NRG4: variants seen among roughly 807,000 people sequenced by gnomAD.
NRG4 encodes the protein neuregulin 4, also known as pro-neuregulin-4, membrane-bound isoform.
A neutral mutation model predicts 15.0 loss-of-function variants in NRG4; 10 were observed. The ratio of observed to expected loss-of-function variants is 0.67; its 90% confidence interval spans 0.41 to 1.13. NRG4 has a LOEUF of 1.13. Among genes scored for constraint, NRG4 ranks in the 50% most tolerant of loss-of-function variants. NRG4 has a pLI of 0.00. For synonymous variants in NRG4, 41 were observed against 50.1 expected (o/e 0.82, Z 0.77); for missense variants, 139 against 140.2 (o/e 0.99, Z 0.04).
intron 3 of NRG4, among the ~76,000 whole-genome samples, chr15:76,005,515 G>A (rs192773815): frequency 1.3e-5 from 2 of 151,274 alleles, no homozygotes; most frequent in Admixed American, 6.6e-5. Context: ...GCGAAACCCC[G>A]CCTGTACTAA....
At chr15:75,994,925 G>T (rs367904036) in intron 3 of NRG4, among the ~76,000 whole-genome samples, 10 of 152,284 alleles carry the variant, frequency 6.6e-5, no homozygotes, top group African/African-American at 2.4e-4. Context: ...TGTAATCCCA[G>T]AACTTTGGGA....
At chr15:76,053,203 C>T (rs2036067195) in intron 2 of NRG4, 1 of 150,914 alleles carries the variant, frequency 6.6e-6, no homozygotes, top group Non-Finnish European at 1.5e-5. Context: ...CTTAATGATT[C>T]CTCAAACTTA....
At chr15:76,051,585 A>G (rs2036018610) in intron 4 of NRG4, among the ~76,000 whole-genome samples, 1 of 143,640 alleles carries the variant, frequency 7.0e-6, no homozygotes, top group Non-Finnish European at 1.5e-5. Context: ...TTTTTTTGAG[A>G]CAGAGTCTCG....
chr15:75,990,834 C>A (rs2033985897), intron 3 of NRG4, among the ~76,000 whole-genome samples: 1 of 152,120 alleles, frequency 6.6e-6, no homozygotes, highest in Non-Finnish European at 1.5e-5. Context: ...AGGTATGCAG[C>A]ACCATGCCTG....
chr15:76,041,179 A>T (rs1394288023), intron 4 of NRG4, among the ~76,000 whole-genome samples: 2 of 152,162 alleles, frequency 1.3e-5, no homozygotes, highest in Admixed American at 6.5e-5. Context: ...CAAAAAATAA[A>T]AAGAAATTAA....
intron 1 of NRG4, among the ~76,000 whole-genome samples, chr15:76,058,408 G>T (rs1215031714): frequency 1.3e-5 from 2 of 152,168 alleles, no homozygotes; most frequent in Non-Finnish European, 2.9e-5. Flanking sequence ...AGGATCTGAA[G>T]AAATTTTACA....
At chr15:75,979,014 C>T (rs2033489835) in intron 3 of NRG4, among the ~76,000 whole-genome samples, 3 of 152,130 alleles carry the variant, frequency 2.0e-5, no homozygotes, top group Non-Finnish European at 4.4e-5. Context: ...TATACATTCT[C>T]ATTACTAATC....
chr15:76,029,731 A>T (rs2035421312), intron 5 of NRG4, among the ~76,000 whole-genome samples: 2 of 152,344 alleles, frequency 1.3e-5, no homozygotes, highest in South Asian at 4.1e-4. Flanking sequence ...GAAGTAAAGG[A>T]TCCCTACAAT....
chr15:76,032,606 C>T (rs1011419536), intron 5 of NRG4, among the ~76,000 whole-genome samples: 4 of 152,212 alleles, frequency 2.6e-5, no homozygotes, highest in African/African-American at 7.2e-5. Context: ...CTATAAACTA[C>T]ATCCACAGAA....
chr15:75,962,254 G>A (rs548775828), intron 3 of NRG4, among the ~76,000 whole-genome samples: 22 of 152,198 alleles, frequency 1.4e-4, no homozygotes, highest in Non-Finnish European at 2.9e-4. Flanking sequence ...TTTTTATCTT[G>A]TAGATTTTCA....
At chr15:76,037,895 T>G (rs2035631551) in intron 4 of NRG4, among the ~76,000 whole-genome samples, 2 of 152,178 alleles carry the variant, frequency 1.3e-5, no homozygotes, top group Admixed American at 1.3e-4. Flanking sequence ...TCTTGCACCT[T>G]GGACACCAGC....
intron 5 of NRG4, among the ~76,000 whole-genome samples, chr15:76,033,817 A>C (rs538271871): frequency 1.3e-4 from 20 of 152,338 alleles, no homozygotes; most frequent in African/African-American, 4.3e-4. Flanking sequence ...CTTTTATCAG[A>C]AAAGAGGAAA....
chr15:76,026,679 G>A (rs543548665), intron 5 of NRG4, among the ~76,000 whole-genome samples: 3 of 152,096 alleles, frequency 2.0e-5, no homozygotes, highest in African/African-American at 7.2e-5. Context: ...CCAACCAATT[G>A]CAAAAATAAA....
intron 3 of NRG4, among the ~76,000 whole-genome samples, chr15:75,975,773 G>T (rs1331637667): frequency 6.6e-6 from 1 of 152,054 alleles, no homozygotes; most frequent in African/African-American, 2.4e-5. Context: ...TTTCTCTCTG[G>T]CTGCCCTTGA....
chr15:76,010,352 G>A (rs1164053337), intron 2 of NRG4, among the ~76,000 whole-genome samples: 2 of 151,544 alleles, frequency 1.3e-5, no homozygotes, highest in African/African-American at 2.4e-5. Context: ...TCTCCCACTG[G>A]GACTCCAATT....
At chr15:76,027,066 A>T (rs1159525282) in intron 5 of NRG4, among the ~76,000 whole-genome samples, 1 of 152,144 alleles carries the variant, frequency 6.6e-6, no homozygotes, top group Non-Finnish European at 1.5e-5. Flanking sequence ...GCTTGCAGTG[A>T]GCTGAGATTG....
chr15:75,962,055 G>T, intron 3 of NRG4, 81 bp from the exon 4 acceptor site: 1 of 1,085,430 alleles, frequency 9.2e-7, no homozygotes, highest in Non-Finnish European at 1.3e-6. Flanking sequence ...TCCAGATGAC[G>T]TGAAGAAAAA....
At chr15:75,985,738 T>C (rs1196948005) in intron 3 of NRG4, among the ~76,000 whole-genome samples, 1 of 151,908 alleles carries the variant, frequency 6.6e-6, no homozygotes, top group Non-Finnish European at 1.5e-5. Context: ...ATCTTGAATA[T>C]AAAAAATCAA....
Position 76,003,602 on chromosome 15 carries a change from G to A in NRG4, c.104+5598C>T, listed in dbSNP as rs1439106572. Reference sequence around the variant, plus strand: ...ATCCAAAAAGGTTAATGAACTCCAAGTAAGATGAACTCAAAGAGACCCATA... The same window carrying A: ...ATCCAAAAAGGTTAATGAACTCCAAATAAGATGAACTCAAAGAGACCCATA... On this transcript the variant is annotated intron_variant, in intron 3 of 5. Transcript: ENST00000394907. 2.0e-5 allele frequency among the ~76,000 whole-genome samples: 3 copies of A among 152,128 alleles called. No individual in the cohort carries two copies. The South Asian group carries it at 6.2e-4, about 32-fold the overall frequency.
Sources: gnomAD v4.1 joint callset for allele counts (sites outside exome capture counted in the v4.1 genomes callset) on GRCh38, gnomAD v4.1.1 for gene constraint, MANE v1.5 for transcripts, NCBI Gene and HGNC (gene_info 2026-07-23, HGNC 2026-07-21) for gene names.